The following ABLIM2 variants were observed in gnomAD, a reference collection of about 807,000 sequenced individuals.
ABLIM2 encodes actin binding LIM protein family member 2.
ABLIM2 carries 53 observed loss-of-function variants against 97.7 expected under a neutral mutation model. The observed-to-expected ratio is 0.54, with a 90% CI of 0.44 to 0.68. ABLIM2 has a LOEUF of 0.68. Among genes scored for constraint, ABLIM2 ranks in the 30% least tolerant of loss-of-function variants. The pLI is 0.00. For missense variants in ABLIM2, 835 were observed against 867.2 expected, an observed-to-expected ratio of 0.96 and a Z score of 0.47; for synonymous variants, 361 against 345.8, an observed-to-expected ratio of 1.04 and a Z score of -0.49.
rs1006374879 is a variant in ABLIM2, at chr4:8,071,844, C to T, written c.675+5784G>A. ...CCGTGCTCCCTGGAACGTGTGCCTGCGAGGGTGGACACCCTCACCTTCAGC... is the reference window on the plus strand; with the variant it reads ...CCGTGCTCCCTGGAACGTGTGCCTGTGAGGGTGGACACCCTCACCTTCAGC... On this transcript the variant is annotated intron_variant, in intron 6 of 20. Coordinates refer to ENST00000447017, the MANE Select transcript of ABLIM2 (RefSeq NM_001130083.2). This position sits in a 1 kb window ranked among gnomAD's most constrained non-coding sequence, Gnocchi z 6.2. 21 of 985,414 alleles carry T rather than the reference C, an allele frequency of 2.1e-5. No individual in the cohort carries two copies. The South Asian group carries it at 5.6e-4, about 26-fold the overall frequency. 61.0% of individuals were successfully genotyped at this position (985,414 alleles called of 1,614,324 possible).
At position 7,970,915 on chromosome 4, in the gene ABLIM2, A is replaced by G. The variant is rs1158490758; in HGVS notation, c.1825-3812T>C. On this transcript the variant is annotated intron_variant, in intron 20 of 20. Coordinates refer to ENST00000447017, the MANE Select transcript of ABLIM2 (RefSeq NM_001130083.2). The surrounding 1 kb of genome is among the most constrained non-coding windows in gnomAD (Gnocchi z 5.3). The stretch of plus-strand genomic sequence containing the variant: ...GCCCAGGACTTGGGGCCAGGGGTCT[A>G]GGGGGCTGACAGGGACCACCTCCCC... 6.6e-6 allele frequency among the ~76,000 whole-genome samples: 1 copy of G among 151,912 alleles called. No individual in the cohort carries two copies. Among genetic ancestry groups the G allele is most frequent in the Non-Finnish European group, 1.5e-5 (1 of 67,950 alleles).
rs1181212009 is a variant in ABLIM2 at position 8,087,028 on chromosome 4, C to G, written c.454+1141G>C. Among the ~76,000 whole-genome samples the G allele has an allele frequency of 1.3e-5, 2 of 152,094 alleles. No homozygotes were observed. The highest frequency in any genetic ancestry group is 2.9e-5 in the Non-Finnish European group (2 of 68,010). ...GGGCCAGTGCTGCACCTCGGGGAGG[C>G]TGGAAGTGGAATCGCCTCTGTAGAG... On this transcript the variant is annotated intron_variant, in intron 4 of 20. Coordinates refer to ENST00000447017, the MANE Select transcript of ABLIM2 (RefSeq NM_001130083.2). This position sits in a 1 kb window ranked among gnomAD's most constrained non-coding sequence, Gnocchi z 4.6.
chr4:8,052,523 C>T (rs1384432812), intron 8 of ABLIM2, among the ~76,000 whole-genome samples: 1 of 152,248 alleles, frequency 6.6e-6, no homozygotes, highest in Non-Finnish European at 1.5e-5. Context: ...ACTCTTCTGC[C>T]ACTGTGGAAG....
Position 8,061,062 on chromosome 4 carries a change from A to C in ABLIM2, c.676-8T>G, listed in dbSNP as rs756231126. 1 of 1,576,074 alleles carries C rather than the reference A, an allele frequency of 6.3e-7. No homozygotes were observed. Among genetic ancestry groups the C allele is most frequent in the Non-Finnish European group, 8.6e-7 (1 of 1,160,322 alleles). Reference sequence around the variant, plus strand: ...GTAGTGCTTCTCTCCGGCCTGTAAGAAAAGCACAAAGCAGAATGTTTCTAC... The same window carrying C: ...GTAGTGCTTCTCTCCGGCCTGTAAGCAAAGCACAAAGCAGAATGTTTCTAC... On this transcript the variant is annotated splice_polypyrimidine_tract_variant and splice_region_variant and intron_variant, in intron 6 of 20. Transcript: ENST00000447017. This position sits in a 1 kb window ranked among gnomAD's most constrained non-coding sequence, Gnocchi z 4.5.
At chr4:8,027,695 A>G (rs1778280135) in intron 12 of ABLIM2, 64 bp downstream of exon 12, 11 of 1,321,908 alleles carry the variant, frequency 8.3e-6, no homozygotes, top group Non-Finnish European at 1.0e-5. Flanking sequence ...ATGGACAGCG[A>G]GCACACAGAC....
At chr4:7,972,233 C>T (rs1261521210) in intron 20 of ABLIM2, among the ~76,000 whole-genome samples, 1 of 152,174 alleles carries the variant, frequency 6.6e-6, no homozygotes, top group African/African-American at 2.4e-5. Context: ...GTCAGGTGGC[C>T]CCAGGGCCCT....
intron 9 of ABLIM2, among the ~76,000 whole-genome samples, chr4:8,038,971 C>G (rs1225188931): frequency 6.6e-6 from 1 of 152,186 alleles, no homozygotes; most frequent in African/African-American, 2.4e-5. Flanking sequence ...ACACCTCTTC[C>G]CTAAGCTCTG....
At chr4:8,088,657 C>T (rs11722171) in intron 3 of ABLIM2, among the ~76,000 whole-genome samples, 11,003 of 152,302 alleles carry the variant, frequency 0.072, 639 homozygotes, top group African/African-American at 0.16. Flanking sequence ...ATGCTTTCTT[C>T]ATATCAGCTC....
At chr4:8,108,696 G>C (rs766296971) in intron 1 of ABLIM2, among the ~76,000 whole-genome samples, 19 of 152,308 alleles carry the variant, frequency 1.2e-4, no homozygotes, top group Admixed American at 7.8e-4. Context: ...CCAGTCCCCC[G>C]AGGCCGACAG....
intron 9 of ABLIM2, among the ~76,000 whole-genome samples, chr4:8,040,482 G>A (rs556193106): frequency 8.5e-5 from 13 of 152,180 alleles, no homozygotes; most frequent in African/African-American, 2.9e-4. Flanking sequence ...ATGGTGGTGG[G>A]CGCCTGTAAT....
rs531857602 is a variant in ABLIM2 at position 8,003,322 on chromosome 4, T to C, written c.1618+4737A>G. 2.0e-5 allele frequency among the ~76,000 whole-genome samples: 3 copies of C among 152,298 alleles called. No homozygotes were observed. The highest frequency in any genetic ancestry group is 2.1e-4 in the South Asian group (1 of 4,830). On this transcript the variant is annotated intron_variant, in intron 16 of 20. Coordinates refer to ENST00000447017, the MANE Select transcript of ABLIM2 (RefSeq NM_001130083.2). The surrounding 1 kb of genome is among the most constrained non-coding windows in gnomAD (Gnocchi z 4.2). ...ATCTAGCACACAGCCTGGTGCATCA[T>C]AGAGGGCTGGCCGTCTCATGTCATT... is the stretch of plus-strand genomic sequence containing the variant.
At chr4:8,114,728 A>G (rs1190662724) in intron 1 of ABLIM2, among the ~76,000 whole-genome samples, 1 of 152,146 alleles carries the variant, frequency 6.6e-6, no homozygotes, top group Non-Finnish European at 1.5e-5. Flanking sequence ...TCCCCCATTA[A>G]GCAAAGATGC....
Position 8,129,678 on chromosome 4 carries a change from C to T in ABLIM2, c.11-23041G>A, listed in dbSNP as rs77910998. Among the ~76,000 whole-genome samples, 862 of 152,264 alleles carry T rather than the reference C, an allele frequency of 5.7e-3. 10 individuals carry two copies. Among genetic ancestry groups the T allele is most frequent in the African/African-American group, 0.019 (808 of 41,532 alleles). On this transcript the variant is annotated intron_variant, in intron 1 of 20. Coordinates refer to ENST00000447017, the MANE Select transcript of ABLIM2 (RefSeq NM_001130083.2). ...AGTATATGCACAGATGAGTCCCCTG[C>T]GGACACACCTTTCAGCAGCAGCCAG...
chr4:8,023,372 G>C lies in ABLIM2; in HGVS notation c.1268-3069C>G, dbSNP rs1219526360. ...TTTTGCAGACGTTCCTTGTGTCTGA[G>C]GACTCTGGCAGTTTTGAGGAGGGCT... On this transcript the variant is annotated intron_variant, in intron 12 of 20. Transcript: ENST00000447017. The surrounding 1 kb of genome is among the most constrained non-coding windows in gnomAD (Gnocchi z 5.7). Among the ~76,000 whole-genome samples, 3 of 152,256 alleles carry C rather than the reference G, an allele frequency of 2.0e-5. No homozygotes were observed. Among genetic ancestry groups the C allele is most frequent in the Non-Finnish European group, 4.4e-5 (3 of 68,042 alleles).
rs960660146 is a variant in ABLIM2, at chr4:8,130,095, A to C, written c.11-23458T>G. ...GCCTCCAGCCTGCTGTTCACCCCTAAGCATCTAGTTTATTCAAAGGCAGCC... is the reference window on the plus strand; with the variant it reads ...GCCTCCAGCCTGCTGTTCACCCCTACGCATCTAGTTTATTCAAAGGCAGCC... On this transcript the variant is annotated intron_variant, in intron 1 of 20. Coordinates refer to ENST00000447017, the MANE Select transcript of ABLIM2 (RefSeq NM_001130083.2). This position sits in a 1 kb window ranked among gnomAD's most constrained non-coding sequence, Gnocchi z 4.2. 1.3e-5 allele frequency among the ~76,000 whole-genome samples: 2 copies of C among 152,166 alleles called. No individual in the cohort carries two copies. Among genetic ancestry groups the C allele is most frequent in the Non-Finnish European group, 2.9e-5 (2 of 68,024 alleles).
chr4:7,993,281 C>A lies in ABLIM2; in HGVS notation c.1619-354G>T, dbSNP rs558698788. On this transcript the variant is annotated intron_variant, in intron 16 of 20. Transcript: ENST00000447017. ...GGAGCTGAGCAGAGTCAGGAAGGGG[C>A]GCAGTCTCTGGAACCCTGGAGGAAC... Among the ~76,000 whole-genome samples, 7 of 152,342 alleles carry A rather than the reference C, an allele frequency of 4.6e-5. No individual in the cohort carries two copies. In the South Asian group the frequency reaches 1.4e-3, roughly 32 times the overall value.
Position 8,002,128 on chromosome 4 carries a change from C to G in ABLIM2, c.1618+5931G>C, listed in dbSNP as rs556688034. ...GAGTGGCTGGGGCTACCAACTCCCA[C>G]GGTTCCAGTCCCATCTGGGAGCCGG... is the stretch of plus-strand genomic sequence containing the variant. On this transcript the variant is annotated intron_variant, in intron 16 of 20. Coordinates refer to ENST00000447017, the MANE Select transcript of ABLIM2 (RefSeq NM_001130083.2). This position sits in a 1 kb window ranked among gnomAD's most constrained non-coding sequence, Gnocchi z 6.1. 6.6e-6 allele frequency among the ~76,000 whole-genome samples: 1 copy of G among 152,166 alleles called. No individual in the cohort carries two copies. Among genetic ancestry groups the G allele is most frequent in the African/African-American group, 2.4e-5 (1 of 41,444 alleles).
intron 20 of ABLIM2, among the ~76,000 whole-genome samples, chr4:7,977,790 C>CAATAAATAAATGAATAAATA (rs1734698587): frequency 7.0e-6 from 1 of 142,206 alleles, no homozygotes; most frequent in African/African-American, 2.6e-5. Flanking sequence ...GACTCTGTCT[C>CAATAAATAAATGAATAAATA]AATAAATAAA....
intron 14 of ABLIM2, among the ~76,000 whole-genome samples, chr4:8,017,535 G>A (rs1371597688): frequency 7.2e-5 from 11 of 151,926 alleles, no homozygotes; most frequent in Non-Finnish European, 8.8e-5. Context: ...CAATCGGCCC[G>A]CCTGTGCTTC....
Sources: gnomAD v4.1 joint callset for allele counts (sites outside exome capture counted in the v4.1 genomes callset) on GRCh38, gnomAD v4.1.1 for gene constraint, Gnocchi (gnomAD v3.1) non-coding constraint, MANE v1.5 for transcripts, NCBI Gene and HGNC (gene_info 2026-07-23, HGNC 2026-07-21) for gene names.